Variants in PRPF6 observed in about 807,000 individuals in gnomAD.
The protein encoded by PRPF6 is pre-mRNA-processing factor 6.
In PRPF6, 42 loss-of-function variants were observed where a neutral mutation model predicts 118.3. The ratio of observed to expected loss-of-function variants is 0.35; its 90% CI spans 0.28 to 0.46. The LOEUF (loss-of-function observed/expected upper bound fraction) is 0.46, where lower values mean the gene tolerates loss of function less well. PRPF6 is among the 20% of genes least tolerant of loss of function. The probability of loss-of-function intolerance (pLI) is 1.00; values close to 1 mark genes in which losing one functional copy is unlikely to be tolerated. For missense variants in PRPF6, 662 were observed against 1,255.7 expected (o/e 0.53, Z 7.15); for synonymous variants, 481 against 485.1 (o/e 0.99, Z 0.11).
chr20:63,983,337 A>G (rs981196878), intron 2 of PRPF6, 122 bp downstream of exon 2: 29 of 1,253,226 alleles, frequency 2.3e-5, no homozygotes, highest in South Asian at 1.7e-4. Flanking sequence ...AATTTTAGCT[A>G]TTCATGGAAC....
At chr20:63,993,260 GTGTA>G (rs371316149) in intron 3 of PRPF6, 143 bp from the exon 4 acceptor site, 32,288 of 387,508 alleles carry the variant, frequency 0.083, 2,014 homozygotes, top group South Asian at 0.18. Context: ...GTGTGTGTGT[GTGTA>G]TATGTATATA....
chr20:64,002,461 G>A (rs1254893858), intron 9 of PRPF6, among the ~76,000 whole-genome samples: 20 of 150,980 alleles, frequency 1.3e-4, no homozygotes, highest in African/African-American at 2.9e-4. Context: ...TCAGCCTCCC[G>A]AGTAGCCGGG....
At chr20:64,023,071 G>A (rs1339775168) in intron 13 of PRPF6, among the ~76,000 whole-genome samples, 193 bp downstream of exon 13, 1 of 152,164 alleles carries the variant, frequency 6.6e-6, no homozygotes, top group Non-Finnish European at 1.5e-5. Flanking sequence ...GCCCCTTCTG[G>A]GACAGCAATG....
intron 2 of PRPF6, 64 bp from the exon 3 acceptor site, chr20:63,984,843 G>T: frequency 8.4e-7 from 1 of 1,183,654 alleles, no homozygotes; most frequent in Non-Finnish European, 1.3e-6. Flanking sequence ...AGAGATCTCC[G>T]TTTCGCTGGT....
intron 3 of PRPF6, among the ~76,000 whole-genome samples, chr20:63,987,840 G>A (rs779971132): frequency 4.6e-5 from 7 of 152,104 alleles, no homozygotes; most frequent in Non-Finnish European, 5.9e-5. Flanking sequence ...CCTGAGGTCA[G>A]GAGTTTGAGA....
intron 3 of PRPF6, among the ~76,000 whole-genome samples, chr20:63,991,531 C>T (rs1001924140): frequency 3.9e-5 from 6 of 151,978 alleles, no homozygotes; most frequent in African/African-American, 1.5e-4. Context: ...GTGGCTCACA[C>T]CTATAATCCC....
intron 8 of PRPF6, 124 bp downstream of exon 8, chr20:63,999,883 G>T (rs2059158825): frequency 1.6e-6 from 2 of 1,257,588 alleles, no homozygotes; most frequent in South Asian, 2.8e-5. Flanking sequence ...AGGGCAGGCT[G>T]GGGGAGGATG....
rs1223475361 is a variant in PRPF6, at chr20:64,022,814, G to A, written c.1705G>A (p.Val569Met). The A allele has an allele frequency of 6.2e-7, 1 of 1,614,038 alleles. No homozygotes were observed. The highest frequency in any genetic ancestry group is 8.5e-7 in the Non-Finnish European group (1 of 1,180,038). Residue 569 changes from valine (V) to methionine (M), a missense_variant, in exon 13 of 21, where the codon GTG becomes ATG. Physicochemically the swap from Val to Met is conservative, Grantham distance 21 (BLOSUM62 1). Around this residue, in one of 10 missense-constraint regions of PRPF6, gnomAD observed 189 missense variants for 323.5 expected, o/e 0.58. Transcript: ENST00000266079. The stretch of plus-strand genomic sequence containing the variant: ...AGCCATCTACGCCTACGCCCTGCAG[G>A]TGTTCCCCAGCAAGAAGAGTGTGTG... ...ARAIYAYALQVFPSKKSVWLR... is the reference protein window; with the variant it reads ...ARAIYAYALQMFPSKKSVWLR...
intron 2 of PRPF6, among the ~76,000 whole-genome samples, chr20:63,984,505 G>T (rs987812626): frequency 1.3e-5 from 2 of 152,114 alleles, no homozygotes; most frequent in Non-Finnish European, 2.9e-5. Context: ...AAAAGTTTCT[G>T]CATGTCTTTC....
rs61702884 is a variant in PRPF6, at chr20:63,987,169, C to CAAAAA, written c.359+2160_359+2164dup. ...TGGGCCACAGAGCGAGACCCTGTCT[C>CAAAAA]AAAAAAAAAAAAAAAAAAAAGGGGG... On this transcript the variant is annotated intron_variant, in intron 3 of 20. Transcript: ENST00000266079. Among the ~76,000 whole-genome samples the CAAAAA allele has an allele frequency of 3.3e-3, 174 of 52,444 alleles. 5 individuals are homozygous for CAAAAA. Among genetic ancestry groups the CAAAAA allele is most frequent in the African/African-American group, 0.014 (164 of 11,822 alleles). The allele number at this position is 52,444 out of a possible 152,430, so 34.4% of individuals were successfully genotyped here. A position where few individuals can be genotyped will look rare whatever the true frequency, so the allele number is the denominator to read the frequency against.
At chr20:64,000,411 T>G (rs1338012922) in intron 8 of PRPF6, among the ~76,000 whole-genome samples, 1 of 147,414 alleles carries the variant, frequency 6.8e-6, no homozygotes, top group Non-Finnish European at 1.5e-5. Flanking sequence ...GAGCTGAGAT[T>G]GCACCATGCT....
At position 64,032,889 on chromosome 20, in the gene PRPF6, C is replaced by A; in HGVS notation, c.2722C>A (p.His908Asn). The A allele has an allele frequency of 6.2e-7, 1 of 1,613,084 alleles. No individual in the cohort carries two copies. Reference protein sequence around the residue: ...RKRCESAEPRHGELWCAVSKD... With the variant: ...RKRCESAEPRNGELWCAVSKD... ...GCGCTGTGAGAGTGCAGAGCCTCGG[C>A]ATGGGGAGCTGTGGTGCGCCGTGTC... The change falls in exon 21 of 21, where the codon CAT becomes AAT. Residue 908 changes from histidine to asparagine, a missense_variant. This residue lies in a region of PRPF6 where 244 missense variants were observed against 383.7 expected (regional missense o/e 0.64). Transcript: ENST00000266079.
At chr20:63,988,808 G>T (rs951799470) in intron 3 of PRPF6, among the ~76,000 whole-genome samples, 1 of 151,896 alleles carries the variant, frequency 6.6e-6, no homozygotes, top group Non-Finnish European at 1.5e-5. Context: ...GGCAGAGGTT[G>T]CAGTCAGCTG....
chr20:63,984,525 C>T (rs578099270), intron 2 of PRPF6, among the ~76,000 whole-genome samples: 76 of 152,288 alleles, frequency 5.0e-4, no homozygotes, highest in African/African-American at 1.8e-3. Flanking sequence ...CACCAAGCTT[C>T]TCCCGATGTT....
At chr20:63,996,696 G>A (rs1601514956) in intron 6 of PRPF6, among the ~76,000 whole-genome samples, 1 of 152,150 alleles carries the variant, frequency 6.6e-6, no homozygotes, top group African/African-American at 2.4e-5. Flanking sequence ...AGAGACCAAG[G>A]TAGGAGGATT....
chr20:63,992,506 C>T (rs1218053788), intron 3 of PRPF6, among the ~76,000 whole-genome samples: 1 of 152,140 alleles, frequency 6.6e-6, no homozygotes, highest in Non-Finnish European at 1.5e-5. Flanking sequence ...ATCTGCCCAC[C>T]TCGGCCTCCC....
rs542535038 is a variant in PRPF6 at position 63,985,901 on chromosome 20, T to C, written c.359+876T>C. On this transcript the variant is annotated intron_variant, in intron 3 of 20. Coordinates refer to ENST00000266079, the MANE Select transcript of PRPF6 (RefSeq NM_012469.4). ...GGAGGGAATACTTCCAAACTTATTC[T>C]ACAGAACCAGTATTACCCTGATACC... is the stretch of plus-strand genomic sequence containing the variant. 5.3e-5 allele frequency among the ~76,000 whole-genome samples: 8 copies of C among 152,282 alleles called. No individual in the cohort carries two copies. The East Asian group carries it at 1.5e-3, about 29-fold the overall frequency.
chr20:64,003,948 T>C (rs2059179135), intron 9 of PRPF6, among the ~76,000 whole-genome samples: 1 of 152,202 alleles, frequency 6.6e-6, no homozygotes, highest in African/African-American at 2.4e-5. Flanking sequence ...TTAGCACCTG[T>C]CTGGGTTTGT....
In PRPF6 at chr20:63,996,502, A is replaced by T. The variant is rs190606187; in HGVS notation, c.771+1020A>T. Among the ~76,000 whole-genome samples the T allele has an allele frequency of 1.2e-3, 178 of 152,172 alleles. 1 individual carries two copies. The highest frequency in any genetic ancestry group is 2.0e-3 in the Non-Finnish European group (138 of 68,008). ...ACTAATTTTTGTATTTTTTGTTGAG[A>T]TGGGGTGTCACTAGGTTGCCCAACC... On this transcript the variant is annotated intron_variant, in intron 6 of 20. Coordinates refer to ENST00000266079, the MANE Select transcript of PRPF6 (RefSeq NM_012469.4).
Sources: allele counts gnomAD v4.1 joint callset (sites outside exome capture counted in the v4.1 genomes callset), GRCh38; gene constraint gnomAD v4.1.1; regional missense constraint gnomAD v4.1.1; transcripts MANE v1.5; gene names NCBI Gene and HGNC (gene_info 2026-07-23, HGNC 2026-07-21).